The following DHRSX variants were observed in gnomAD, a reference collection of about 807,000 sequenced individuals.
The protein encoded by DHRSX is dehydrogenase/reductase X-linked, also known as polyprenol dehydrogenase.
In DHRSX, 31 loss-of-function variants were observed where a neutral mutation model predicts 34.0. The observed-to-expected ratio is 0.91, with a 90% CI of 0.69 to 1.23. DHRSX has a LOEUF of 1.23. Ranked by LOEUF, DHRSX falls within the 50% of genes most tolerant of loss-of-function variation. The probability of loss-of-function intolerance (pLI) is 0.00; values close to 1 mark genes in which losing one functional copy is unlikely to be tolerated. For synonymous variants in DHRSX, 201 were observed against 183.8 expected (o/e 1.09, Z -0.76); for missense variants, 414 against 428.1 (o/e 0.97, Z 0.29).
chrX:2,243,578 C>A (rs1008702846), intron 5 of DHRSX, among the ~76,000 whole-genome samples: 1 of 151,866 alleles, frequency 6.6e-6, no homozygotes, highest in Non-Finnish European at 1.5e-5. Context: ...CCTCCACCTG[C>A]CCGGTTCAAG....
rs1159991841 is a variant in DHRSX, at chrX:2,331,436, G to GTTT, written c.287-39836_287-39834dup. Among the ~76,000 whole-genome samples the GTTT allele has an allele frequency of 1.0e-3, 97 of 94,646 alleles. 2 individuals are homozygous for GTTT. Among genetic ancestry groups the GTTT allele is most frequent in the Middle Eastern group, 8.2e-3 (1 of 122 alleles). The allele number at this position is 94,646 out of a possible 152,430, so 62.1% of individuals were successfully genotyped here. On this transcript the variant is annotated intron_variant, in intron 3 of 6. Transcript: ENST00000334651. Reference sequence around the variant, plus strand: ...GGAATCCTTTCAGGAAGGTTTTTTGGTTTTTTTTTTTTTTTTTTTTTTTTT... The same window carrying GTTT: ...GGAATCCTTTCAGGAAGGTTTTTTGGTTTTTTTTTTTTTTTTTTTTTTTTTTTT...
chrX:2,251,113 C>T (rs1403570589), intron 5 of DHRSX, among the ~76,000 whole-genome samples: 8 of 152,142 alleles, frequency 5.3e-5, no homozygotes, highest in African/African-American at 1.2e-4. Context: ...TGTCTCATCA[C>T]GCAGCCATGG....
chrX:2,264,694 C>T (rs73185724), intron 5 of DHRSX, among the ~76,000 whole-genome samples: 39,514 of 143,850 alleles, frequency 0.27, 6,926 homozygotes, highest in African/African-American at 0.49. Context: ...AGGGCACGTG[C>T]GCCCAGTAGA....
intron 3 of DHRSX, among the ~76,000 whole-genome samples, chrX:2,318,281 A>C (rs1258414589): frequency 1.3e-5 from 2 of 150,982 alleles, no homozygotes; most frequent in Non-Finnish European, 3.0e-5. Flanking sequence ...TGGGAGGATC[A>C]CTTGAGCTGA....
At chrX:2,266,690 C>A in intron 5 of DHRSX, 50 bp downstream of exon 5, 14 of 1,569,530 alleles carry the variant, frequency 8.9e-6, no homozygotes, top group East Asian at 2.2e-5. Flanking sequence ...AGATGAATAA[C>A]CTTTAACCCA....
chrX:2,428,090 A>G (rs2043871751), intron 1 of DHRSX, among the ~76,000 whole-genome samples: 1 of 152,138 alleles, frequency 6.6e-6, no homozygotes, highest in African/African-American at 2.4e-5. Flanking sequence ...AAAAATAGAC[A>G]TCGAGGACTC....
intron 3 of DHRSX, among the ~76,000 whole-genome samples, chrX:2,349,363 C>T (rs1395384833): frequency 2.6e-5 from 4 of 152,010 alleles, no homozygotes; most frequent in Non-Finnish European, 4.4e-5. Context: ...ATGCGGTACA[C>T]GCACACAATG....
intron 2 of DHRSX, among the ~76,000 whole-genome samples, chrX:2,409,582 C>T (rs1007764672): frequency 6.6e-6 from 1 of 152,140 alleles, no homozygotes; most frequent in African/African-American, 2.4e-5. Context: ...TTACTCCTCT[C>T]ACTGCACTTC....
rs772566725 is a variant in DHRSX at position 2,491,739 on chromosome X, G to A, written c.109+9078C>T. Among the ~76,000 whole-genome samples, 10 of 152,310 alleles carry A rather than the reference G, an allele frequency of 6.6e-5. No homozygotes were observed. In the East Asian group the frequency reaches 1.9e-3, roughly 29 times the overall value. The stretch of plus-strand genomic sequence containing the variant: ...AAGAAGCATGGATTTCTCAATCCCT[G>A]GAACTTCTCAAAATGCCCATTGTGT... On this transcript the variant is annotated intron_variant, in intron 1 of 6. Transcript: ENST00000334651.
At chrX:2,450,504 G>A (rs780773691) in intron 1 of DHRSX, among the ~76,000 whole-genome samples, 1 of 152,100 alleles carries the variant, frequency 6.6e-6, no homozygotes, top group Admixed American at 6.6e-5. Flanking sequence ...TGCTGGGTTG[G>A]ACACAGGACT....
At chrX:2,234,131 C>G (rs968307949) in intron 6 of DHRSX, among the ~76,000 whole-genome samples, 3 of 151,800 alleles carry the variant, frequency 2.0e-5, no homozygotes, top group Admixed American at 6.6e-5. Context: ...ACAGCTGGAT[C>G]CATGCACATG....
chrX:2,478,670 G>GT (rs2044720049), intron 1 of DHRSX, among the ~76,000 whole-genome samples: 1 of 151,376 alleles, frequency 6.6e-6, no homozygotes, highest in South Asian at 2.1e-4. Flanking sequence ...GACTGCCACC[G>GT]TGTATGCACT....
intron 1 of DHRSX, among the ~76,000 whole-genome samples, chrX:2,479,129 G>A (rs1290396245): frequency 1.4e-5 from 2 of 145,182 alleles, no homozygotes; most frequent in Non-Finnish European, 3.0e-5. Flanking sequence ...GAAGATGTTC[G>A]CTAACAATGC....
intron 3 of DHRSX, among the ~76,000 whole-genome samples, chrX:2,359,884 T>C (rs2042906923): frequency 6.6e-6 from 1 of 151,966 alleles, no homozygotes; most frequent in African/African-American, 2.4e-5. Flanking sequence ...TGAGAACATA[T>C]GGACACAGAG....
chrX:2,472,362 A>T (rs2044606377), intron 1 of DHRSX, among the ~76,000 whole-genome samples: 1 of 152,110 alleles, frequency 6.6e-6, no homozygotes, highest in Non-Finnish European at 1.5e-5. Context: ...GGATCAAAAA[A>T]CTACCTATCA....
At chrX:2,417,263 G>A (rs1453756621) in intron 2 of DHRSX, among the ~76,000 whole-genome samples, 1 of 152,220 alleles carries the variant, frequency 6.6e-6, no homozygotes, top group African/African-American at 2.4e-5. Flanking sequence ...TAACACTTGA[G>A]ATTCCCATGC....
chrX:2,399,749 A>C (rs1255373365), intron 3 of DHRSX, among the ~76,000 whole-genome samples: 4 of 150,678 alleles, frequency 2.7e-5, no homozygotes, highest in South Asian at 2.1e-4. Context: ...AAAACAAAAA[A>C]ACACAGGGGC....
chrX:2,427,182 ATGT>A (rs914819632), intron 1 of DHRSX, among the ~76,000 whole-genome samples: 14 of 152,308 alleles, frequency 9.2e-5, no homozygotes, highest in African/African-American at 3.1e-4. Flanking sequence ...TCCTGAGCTG[ATGT>A]TGTGACGGTG....
Position 2,346,645 on chromosome X carries a change from GT to G in DHRSX, c.287-55043del, listed in dbSNP as rs1556483988. Among the ~76,000 whole-genome samples, 491 of 106,010 alleles carry G rather than the reference GT, an allele frequency of 4.6e-3. 1 individual carries two copies. Among genetic ancestry groups the G allele is most frequent in the Middle Eastern group, 0.021 (5 of 236 alleles). The allele number at this position is 106,010 out of a possible 152,430, so 69.5% of individuals were successfully genotyped here. On this transcript the variant is annotated intron_variant, in intron 3 of 6. Transcript: ENST00000334651. ...TTTGTAGGGATGTTGTATGAGTCTG[GT>G]TTTTTTTTTGTTGTTGTTGTTTAAT...
Sources: gnomAD v4.1 joint callset for allele counts (sites outside exome capture counted in the v4.1 genomes callset) on GRCh38, gnomAD v4.1.1 for gene constraint, MANE v1.5 for transcripts, NCBI Gene and HGNC (gene_info 2026-07-23, HGNC 2026-07-21) for gene names.